Variants in EPB41 observed in about 807,000 individuals in gnomAD.
EPB41 encodes erythrocyte membrane protein band 4.1, also known as protein 4.1.
Under a neutral mutation model 108.0 loss-of-function variants are expected in EPB41, and 65 were observed. That is an observed-to-expected ratio of 0.60 (90% CI 0.49 to 0.74). The LOEUF (loss-of-function observed/expected upper bound fraction) is 0.74. Ranked by LOEUF, EPB41 falls within the 30% of genes least tolerant of loss-of-function variation. EPB41 has a pLI of 0.00. For synonymous variants in EPB41, 336 were observed against 358.9 expected, an observed-to-expected ratio of 0.94 and a Z score of 0.72; for missense variants, 875 against 1,037.0, an observed-to-expected ratio of 0.84 and a Z score of 2.15.
chr1:29,059,467 C>T (rs1431067634), intron 14 of EPB41, among the ~76,000 whole-genome samples: 2 of 151,760 alleles, frequency 1.3e-5, no homozygotes, highest in South Asian at 2.1e-4. Context: ...ATTTTATATA[C>T]ATTTATCATA....
intron 17 of EPB41, among the ~76,000 whole-genome samples, chr1:29,099,240 G>T (rs908279237): frequency 6.7e-6 from 1 of 148,152 alleles, no homozygotes; most frequent in Non-Finnish European, 1.5e-5. Context: ...ACAGGAGGTT[G>T]CAGTGAGCCG....
intron 16 of EPB41, among the ~76,000 whole-genome samples, chr1:29,079,810 C>T (rs1350884927): frequency 1.3e-5 from 2 of 151,950 alleles, no homozygotes; most frequent in Non-Finnish European, 2.9e-5. Context: ...GCCTGTTCAA[C>T]ATGGGAAAAA....
At chr1:29,000,213 C>T (rs1380429843) in intron 4 of EPB41, among the ~76,000 whole-genome samples, 1 of 152,190 alleles carries the variant, frequency 6.6e-6, no homozygotes, top group Non-Finnish European at 1.5e-5. Context: ...ATTCTCCTGC[C>T]TCAGCCTCCC....
rs1646517064 is a variant in EPB41, at chr1:29,061,498, T to C, written c.2007+1014T>C. On this transcript the variant is annotated intron_variant, in intron 15 of 20. Transcript: ENST00000343067. ...GTTAGCCAGGATGGTCTGGATCTCC[T>C]GACCTCGTGATTCGCCCACCTTGGC... is the stretch of plus-strand genomic sequence containing the variant. 4.0e-5 allele frequency among the ~76,000 whole-genome samples: 6 copies of C among 151,230 alleles called. No individual in the cohort carries two copies. The South Asian group carries it at 1.3e-3, about 32-fold the overall frequency.
At chr1:28,890,259 A>G (rs2089978753) in intron 1 of EPB41, among the ~76,000 whole-genome samples, 3 of 152,022 alleles carry the variant, frequency 2.0e-5, no homozygotes, top group Admixed American at 2.0e-4. Flanking sequence ...GGTGGTCTCG[A>G]ACTCCTGACC....
intron 7 of EPB41, among the ~76,000 whole-genome samples, chr1:29,022,778 G>A (rs1407890978): frequency 2.0e-5 from 3 of 151,936 alleles, no homozygotes; most frequent in African/African-American, 7.3e-5. Flanking sequence ...CAAACTACAT[G>A]TCTGTGTGAG....
intron 5 of EPB41, among the ~76,000 whole-genome samples, chr1:29,014,474 A>C (rs951639408): frequency 1.3e-5 from 2 of 152,076 alleles, no homozygotes; most frequent in Non-Finnish European, 2.9e-5. Context: ...TCCTTGTCCT[A>C]GTCATGCAGT....
chr1:29,112,342 A>G (rs930325802), intron 18 of EPB41, 26 bp from the exon 19 acceptor site: 1 of 1,578,174 alleles, frequency 6.3e-7, no homozygotes, highest in Non-Finnish European at 8.7e-7. Flanking sequence ...CGCTGATCTC[A>G]TATGACATCT....
intron 16 of EPB41, chr1:29,096,683 G>GA: frequency 1.2e-6 from 1 of 801,306 alleles, no homozygotes; most frequent in Non-Finnish European, 1.5e-6. Flanking sequence ...AGGAGGTGGT[G>GA]GTGGTATGGT....
At position 28,929,401 on chromosome 1, in the gene EPB41, A is replaced by AT. The variant is rs562154176; in HGVS notation, c.-8+14643dup. 4.1e-4 allele frequency among the ~76,000 whole-genome samples: 58 copies of AT among 141,780 alleles called. No individual in the cohort carries two copies. In the South Asian group the frequency reaches 6.5e-3, roughly 16 times the overall value. 93.0% of individuals were successfully genotyped at this position (141,780 alleles called of 152,430 possible). A position where few individuals can be genotyped will look rare whatever the true frequency, so the allele number is the denominator to read the frequency against. ...CCACCGTGCCCGGCTAATTTTTTGT[A>AT]TTTTTTTTTTAGTAGAGACGGGGTT... On this transcript the variant is annotated intron_variant, in intron 1 of 20. Transcript: ENST00000343067.
intron 3 of EPB41, among the ~76,000 whole-genome samples, chr1:28,993,841 A>G (rs1053293403): frequency 6.6e-6 from 1 of 151,806 alleles, no homozygotes; most frequent in Non-Finnish European, 1.5e-5. Context: ...TATTTTTAGT[A>G]GAGACAGATT....
chr1:29,076,293 A>T (rs1053928824), intron 16 of EPB41, among the ~76,000 whole-genome samples: 5 of 152,154 alleles, frequency 3.3e-5, no homozygotes, highest in Non-Finnish European at 5.9e-5. Context: ...ACTGTGGATT[A>T]TTCCGCTTTA....
chr1:29,113,707 C>G (rs1669971420), intron 19 of EPB41, among the ~76,000 whole-genome samples: 1 of 152,168 alleles, frequency 6.6e-6, no homozygotes, highest in Admixed American at 6.5e-5. Flanking sequence ...TCTAGTTTTA[C>G]CATCTGTAAA....
intron 1 of EPB41, among the ~76,000 whole-genome samples, chr1:28,919,575 C>T (rs555919416): frequency 1.9e-3 from 285 of 152,020 alleles, no homozygotes; most frequent in African/African-American, 6.6e-3. Context: ...GCGATTCTTC[C>T]GCCTCAGCCT....
intron 4 of EPB41, among the ~76,000 whole-genome samples, chr1:29,004,882 C>T (rs1300303851): frequency 1.3e-5 from 2 of 152,036 alleles, no homozygotes; most frequent in Non-Finnish European, 2.9e-5. Flanking sequence ...TGGAGCTGTA[C>T]AAAAGTCTTT....
At chr1:28,943,479 C>G (rs2094377289) in intron 1 of EPB41, among the ~76,000 whole-genome samples, 1 of 152,004 alleles carries the variant, frequency 6.6e-6, no homozygotes, top group South Asian at 2.1e-4. Flanking sequence ...ATGGTGAAAC[C>G]CTGTCTCTAC....
rs568586566 is a variant in EPB41, at chr1:29,107,638, G to C, written c.2314-1698G>C. Among the ~76,000 whole-genome samples the C allele has an allele frequency of 2.6e-5, 4 of 152,068 alleles. No individual in the cohort carries two copies. The South Asian group carries it at 8.3e-4, about 32-fold the overall frequency. ...GAGGTGGAGGTGGGCGGTTCACGAA[G>C]TCAGGAGTTCGAGACCAGCCTGGCC... On this transcript the variant is annotated intron_variant, in intron 17 of 20. Coordinates refer to ENST00000343067, the MANE Select transcript of EPB41 (RefSeq NM_001376013.1).
At chr1:28,994,630 C>CTTT (rs1296938007) in intron 3 of EPB41, among the ~76,000 whole-genome samples, 1 of 122,268 alleles carries the variant, frequency 8.2e-6, no homozygotes, top group African/African-American at 3.0e-5. Flanking sequence ...GTGGAACAAA[C>CTTT]TATTTTATTT....
intron 3 of EPB41, among the ~76,000 whole-genome samples, chr1:28,995,167 G>C (rs1338482632): frequency 1.3e-5 from 2 of 151,988 alleles, no homozygotes; most frequent in African/African-American, 2.4e-5. Context: ...CTAATTTAGA[G>C]ATGGGGAAAG....
Sources: allele counts gnomAD v4.1 joint callset (sites outside exome capture counted in the v4.1 genomes callset), GRCh38; gene constraint gnomAD v4.1.1; transcripts MANE v1.5; gene names NCBI Gene and HGNC (gene_info 2026-07-23, HGNC 2026-07-21).